SLCO5A1: variants seen among roughly 807,000 people sequenced by gnomAD.
The protein encoded by SLCO5A1 is solute carrier organic anion transporter family member 5A1, also known as organic anion transporter polypeptide-related protein 4.
Under a neutral mutation model 65.1 loss-of-function variants are expected in SLCO5A1, and 39 were observed. That is an observed-to-expected ratio of 0.60 (90% CI 0.46 to 0.78). SLCO5A1 has a LOEUF of 0.78. Among genes scored for constraint, SLCO5A1 ranks in the 30% least tolerant of loss-of-function variants. The pLI is 0.00. For synonymous variants in SLCO5A1, 438 were observed against 415.7 expected, an observed-to-expected ratio of 1.05 and a Z score of -0.65; for missense variants, 1,029 against 1,069.4, an observed-to-expected ratio of 0.96 and a Z score of 0.53.
chr8:69,738,387 T>C (rs930210208), intron 4 of SLCO5A1, among the ~76,000 whole-genome samples, 183 bp from the exon 5 acceptor site: 4 of 151,846 alleles, frequency 2.6e-5, no homozygotes, highest in Admixed American at 6.6e-5. Context: ...TTCTTTTGTT[T>C]TTTTTTTTTA....
intron 8 of SLCO5A1, among the ~76,000 whole-genome samples, chr8:69,678,088 C>T (rs1405873938): frequency 3.3e-5 from 5 of 152,176 alleles, no homozygotes; most frequent in African/African-American, 4.8e-5. Flanking sequence ...TCCATAACAA[C>T]TGTTTCAGTA....
At chr8:69,762,107 CT>C (rs113038101) in intron 2 of SLCO5A1, among the ~76,000 whole-genome samples, 61 of 151,528 alleles carry the variant, frequency 4.0e-4, no homozygotes, top group African/African-American at 1.4e-3. Context: ...TTTTTGGTGG[CT>C]TTTGTTTTGT....
At position 69,673,093 on chromosome 8, in the gene SLCO5A1, A is replaced by G. The variant is rs775441635; in HGVS notation, c.2323T>C (p.Phe775Leu). 2.5e-6 allele frequency: 4 copies of G among 1,614,234 alleles called. No homozygotes were observed. The South Asian group carries it at 3.3e-5, about 13-fold the overall frequency. Reference protein sequence around the residue: ...DGLQRRRQREFPLSTVSERVG... With the variant: ...DGLQRRRQRELPLSTVSERVG... ...CTCTCACTCACGGTGCTCAGGGGAA[A>G]TTCTCTCTGCCTCCGCCTCTGCAGT... The change falls in exon 10 of 10, where the codon TTT becomes CTT. Residue 775 changes from phenylalanine to leucine, a missense_variant. This residue lies in a region of SLCO5A1 where 258 missense variants were observed against 237.4 expected (regional missense o/e 1.09). Transcript: ENST00000260126.
At chr8:69,723,799 GT>G (rs1815945516) in intron 5 of SLCO5A1, among the ~76,000 whole-genome samples, 1 of 142,886 alleles carries the variant, frequency 7.0e-6, no homozygotes, top group African/African-American at 2.6e-5. Flanking sequence ...TGGAGACTGA[GT>G]TTTACTCTGT....
intron 2 of SLCO5A1, among the ~76,000 whole-genome samples, chr8:69,788,863 GA>G (rs1217508113): frequency 6.6e-6 from 1 of 152,112 alleles, no homozygotes; most frequent in African/African-American, 2.4e-5. Flanking sequence ...TCACAAATAT[GA>G]AAGTCTTTGC....
intron 5 of SLCO5A1, among the ~76,000 whole-genome samples, chr8:69,712,998 A>G (rs981823435): frequency 1.1e-4 from 16 of 152,234 alleles, no homozygotes; most frequent in African/African-American, 3.9e-4. Context: ...AGCACTAAAT[A>G]TCTAGATGGT....
intron 2 of SLCO5A1, among the ~76,000 whole-genome samples, chr8:69,780,662 A>C (rs1818754293): frequency 6.6e-6 from 1 of 152,188 alleles, no homozygotes; most frequent in Non-Finnish European, 1.5e-5. Flanking sequence ...GTAAGGGTGG[A>C]TGGTGGATGA....
intron 2 of SLCO5A1, among the ~76,000 whole-genome samples, chr8:69,797,773 G>A (rs1448363101): frequency 6.6e-6 from 1 of 152,182 alleles, no homozygotes. Flanking sequence ...CCTGTCTCCT[G>A]ATAAGATGTT....
intron 8 of SLCO5A1, among the ~76,000 whole-genome samples, chr8:69,677,731 T>G (rs1350421140): frequency 6.6e-6 from 1 of 152,258 alleles, no homozygotes; most frequent in Non-Finnish European, 1.5e-5. Flanking sequence ...AATGCCTGAT[T>G]CAGCACCAAG....
At chr8:69,834,086 C>CCACA (rs60625289) in intron 1 of SLCO5A1, 6,579 of 144,340 alleles carry the variant, frequency 0.046, 161 homozygotes, top group Admixed American at 0.06. Flanking sequence ...GCGTGCGCGG[C>CCACA]CACACACACA....
chr8:69,773,093 G>A (rs1269501830), intron 2 of SLCO5A1: 5 of 365,758 alleles, frequency 1.4e-5, no homozygotes, highest in Non-Finnish European at 1.9e-5. Flanking sequence ...AGATTTGAAC[G>A]TGCATGGTGT....
chr8:69,746,213 T>A (rs1817022812), intron 4 of SLCO5A1, among the ~76,000 whole-genome samples: 1 of 152,124 alleles, frequency 6.6e-6, no homozygotes, highest in Non-Finnish European at 1.5e-5. Flanking sequence ...CCAATAAAGA[T>A]ATTTGTGAAA....
intron 2 of SLCO5A1, among the ~76,000 whole-genome samples, chr8:69,826,920 G>A (rs2130926094): frequency 6.6e-6 from 1 of 152,116 alleles, no homozygotes; most frequent in Non-Finnish European, 1.5e-5. Flanking sequence ...ATGATAGACT[G>A]GATTAAGAAA....
At chr8:69,688,876 T>A (rs1463528970) in intron 6 of SLCO5A1, among the ~76,000 whole-genome samples, 1 of 152,244 alleles carries the variant, frequency 6.6e-6, no homozygotes, top group Non-Finnish European at 1.5e-5. Context: ...CTGGGTCTAA[T>A]GGTATTTCTA....
rs916260282 is a variant in SLCO5A1, at chr8:69,755,637, T to A, written c.1045A>T (p.Ser349Cys). The A allele has an allele frequency of 2.6e-5, 41 of 1,607,400 alleles. No individual in the cohort carries two copies. Among genetic ancestry groups the A allele is most frequent in the Non-Finnish European group, 3.2e-5 (38 of 1,177,382 alleles). The change falls in exon 4 of 10, where the codon AGT (serine) becomes TGT (cysteine). Residue 349 changes from serine (S) to cysteine (C), a missense_variant. By Grantham distance (112) the Ser-to-Cys change is moderately radical. Coordinates refer to ENST00000260126, the MANE Select transcript of SLCO5A1 (RefSeq NM_030958.3). ...NDPRFIGNWW[S>C]GFLLCAIAMF... ...GCAATGGCACAAAGGAGGAATCCAC[T>A]CCACCTAAAAAATTGGAAAATGTGA...
chr8:69,818,280 G>T (rs1427697634), intron 2 of SLCO5A1, among the ~76,000 whole-genome samples: 1 of 152,194 alleles, frequency 6.6e-6, no homozygotes, highest in Non-Finnish European at 1.5e-5. Flanking sequence ...CAGAGAGAGA[G>T]ACTTCTTGCC....
intron 6 of SLCO5A1, among the ~76,000 whole-genome samples, chr8:69,683,599 G>A (rs1813877144): frequency 6.7e-6 from 1 of 148,454 alleles, no homozygotes; most frequent in Admixed American, 6.8e-5. Flanking sequence ...GTCTCACTCT[G>A]TCGCCCAGGC....
chr8:69,808,276 TTAAGCC>T (rs1471376427), intron 2 of SLCO5A1, among the ~76,000 whole-genome samples: 1 of 152,092 alleles, frequency 6.6e-6, no homozygotes, highest in Non-Finnish European at 1.5e-5. Context: ...CACCCAGGTA[TTAAGCC>T]TAGTATCCAT....
intron 6 of SLCO5A1, among the ~76,000 whole-genome samples, chr8:69,691,850 C>T (rs1238866531): frequency 6.6e-6 from 1 of 152,166 alleles, no homozygotes; most frequent in African/African-American, 2.4e-5. Context: ...GACTATTGCT[C>T]CTGGGCTACA....
Sources: gnomAD v4.1 joint callset for allele counts (sites outside exome capture counted in the v4.1 genomes callset) on GRCh38, gnomAD v4.1.1 for gene constraint, gnomAD v4.1.1 regional missense constraint, MANE v1.5 for transcripts, NCBI Gene and HGNC (gene_info 2026-07-23, HGNC 2026-07-21) for gene names.